Variants in COL5A1 observed in about 807,000 individuals in gnomAD.
The protein encoded by COL5A1 is collagen alpha-1(V) chain.
A neutral mutation model predicts 263.7 loss-of-function variants in COL5A1; 16 were observed. The observed-to-expected ratio is 0.06, with a 90% CI of 0.04 to 0.09. The LOEUF is 0.09. Ranked by LOEUF, COL5A1 falls within the 10% of genes least tolerant of loss-of-function variation. The probability of loss-of-function intolerance (pLI) is 1.00; values close to 1 mark genes in which losing one functional copy is unlikely to be tolerated. For missense variants in COL5A1, 2,036 were observed against 2,540.5 expected, an observed-to-expected ratio of 0.80 and a Z score of 4.27; for synonymous variants, 1,012 against 1,004.5, an observed-to-expected ratio of 1.01 and a Z score of -0.14.
At chr9:134,756,946 A>C in intron 17 of COL5A1, 128 bp downstream of exon 17, 1 of 909,218 alleles carries the variant, frequency 1.1e-6, no homozygotes, top group Admixed American at 1.9e-5. Flanking sequence ...CGTCACTGGC[A>C]TTTGACGTGA....
Position 134,731,649 on chromosome 9 carries a change from A to C in COL5A1, c.1318A>C (p.Thr440Pro), listed in dbSNP as rs1049849467. Residue 440 changes from threonine to proline, a missense_variant, in exon 8 of 66, where the codon ACC becomes CCC. Transcript: ENST00000371817. ...GCCGGGAATGCCGGCGAACCAGGAT[A>C]CCATCTATGAAGGGGTGAGAGGGTG... ...IGPGMPANQD[T>P]IYEGIGGPRG... is the part of the protein sequence containing the mutation. The C allele has an allele frequency of 1.5e-5, 25 of 1,613,538 alleles. No individual in the cohort carries two copies. Among genetic ancestry groups the C allele is most frequent in the Non-Finnish European group, 2.1e-5 (25 of 1,179,842 alleles).
At chr9:134,744,790 C>T (rs1214928821) in intron 11 of COL5A1, among the ~76,000 whole-genome samples, 1 of 152,116 alleles carries the variant, frequency 6.6e-6, no homozygotes, top group African/African-American at 2.4e-5. Context: ...CACACACATA[C>T]ACCCACACAT....
chr9:134,766,877 C>A, intron 22 of COL5A1, 123 bp from the exon 23 acceptor site: 1 of 964,768 alleles, frequency 1.0e-6, no homozygotes, highest in Non-Finnish European at 1.6e-6. Context: ...TCCCTTCCCG[C>A]TGGCATTAGG....
intron 4 of COL5A1, among the ~76,000 whole-genome samples, chr9:134,705,054 A>G (rs1035788074): frequency 8.5e-5 from 13 of 152,204 alleles, no homozygotes; most frequent in African/African-American, 3.1e-4. Flanking sequence ...CCCTGGAAGG[A>G]CAACTTCCGC....
At chr9:134,728,197 C>T (rs1376584021) in intron 5 of COL5A1, among the ~76,000 whole-genome samples, 1 of 152,252 alleles carries the variant, frequency 6.6e-6, no homozygotes, top group African/African-American at 2.4e-5. Context: ...GCTGCCCCGG[C>T]CTCCTGCCAG....
Position 134,758,204 on chromosome 9 carries a change from AG to A in COL5A1, c.1882-36del. On this transcript the variant is annotated intron_variant, in intron 17 of 65. Coordinates refer to ENST00000371817, the MANE Select transcript of COL5A1 (RefSeq NM_000093.5). This position sits in a 1 kb window ranked among gnomAD's most constrained non-coding sequence, Gnocchi z 4.1. ...ACCAAGGCGGGGTGTCCACGTGTGC[AG>A]GGTGGCGTCTGAGGCAGCCTTTCTG... is the stretch of plus-strand genomic sequence containing the variant. The A allele has an allele frequency of 6.2e-7, 1 of 1,611,996 alleles. No individual in the cohort carries two copies. The highest frequency in any genetic ancestry group is 2.2e-5 in the East Asian group (1 of 44,836).
rs528725430 is a variant in COL5A1, at chr9:134,762,849, T to G, written c.1990-844T>G. On this transcript the variant is annotated intron_variant, in intron 19 of 65. Coordinates refer to ENST00000371817, the MANE Select transcript of COL5A1 (RefSeq NM_000093.5). ...AGAGAGGGACCCTTCTAGATGTCAG[T>G]GCTTCTTGATTGAGAGGACGTGTGT... Among the ~76,000 whole-genome samples, 9 of 151,800 alleles carry G rather than the reference T, an allele frequency of 5.9e-5. No individual in the cohort carries two copies. The South Asian group carries it at 1.9e-3, about 32-fold the overall frequency.
chr9:134,678,353 C>T lies in COL5A1; in HGVS notation c.110-12559C>T, dbSNP rs2132524856. Among the ~76,000 whole-genome samples the T allele has an allele frequency of 6.6e-6, 1 of 152,324 alleles. No individual in the cohort carries two copies. The highest frequency in any genetic ancestry group is 2.4e-5 in the African/African-American group (1 of 41,572). ...CTGGGCGCAGAGCACATAACAGGTG[C>T]ACAGTCCTCAGCTGCCCCTCCCCCA... On this transcript the variant is annotated intron_variant, in intron 1 of 65. Coordinates refer to ENST00000371817, the MANE Select transcript of COL5A1 (RefSeq NM_000093.5). This position sits in a 1 kb window ranked among gnomAD's most constrained non-coding sequence, Gnocchi z 5.5.
intron 18 of COL5A1, among the ~76,000 whole-genome samples, chr9:134,760,855 C>G (rs111071551): frequency 0.13 from 18,486 of 147,082 alleles, 2,016 homozygotes; most frequent in African/African-American, 0.28. Context: ...CACACATGCA[C>G]ACCACCCACA....
At position 134,785,073 on chromosome 9, in the gene COL5A1, C is replaced by T. The variant is rs1254955559; in HGVS notation, c.2569C>T (p.Pro857Ser). The T allele has an allele frequency of 6.2e-7, 1 of 1,613,212 alleles. No individual in the cohort carries two copies. Among genetic ancestry groups the T allele is most frequent in the Admixed American group, 1.7e-5 (1 of 60,022 alleles). Reference sequence around the variant, plus strand: ...CGGAGGTCCCAATGGTGACCCCGGTCCTCTGGGACCCCCTGGGGAGAAGGT... The same window carrying T: ...CGGAGGTCCCAATGGTGACCCCGGTTCTCTGGGACCCCCTGGGGAGAAGGT... ...GRGGPNGDPG[P>S]LGPPGEKGKL... is the part of the protein sequence containing the mutation. Residue 857 changes from proline (P) to serine (S), a missense_variant, in exon 30 of 66, where the codon CCT becomes TCT. Pro to Ser is a moderately conservative substitution (Grantham distance 74, BLOSUM62 -1). Transcript: ENST00000371817.
intron 27 of COL5A1, among the ~76,000 whole-genome samples, 169 bp downstream of exon 27, chr9:134,775,081 C>T (rs1033180118): frequency 2.6e-5 from 4 of 152,186 alleles, no homozygotes; most frequent in East Asian, 1.9e-4. Flanking sequence ...CTCAGGACAG[C>T]GGGCCTGAGC....
intron 1 of COL5A1, among the ~76,000 whole-genome samples, chr9:134,649,089 G>A (rs925660023): frequency 1.3e-5 from 2 of 152,036 alleles, no homozygotes; most frequent in Non-Finnish European, 1.5e-5. Flanking sequence ...AAGTTGGTGC[G>A]GGCGGGGTGT....
At chr9:134,800,114 A>G (rs1389457643) in intron 37 of COL5A1, among the ~76,000 whole-genome samples, 2 of 152,230 alleles carry the variant, frequency 1.3e-5, no homozygotes, top group Admixed American at 6.5e-5. Context: ...ATGAAACACC[A>G]ACGGTCATTA....
At chr9:134,752,495 C>T (rs1036045364) in intron 13 of COL5A1, 94 bp from the exon 14 acceptor site, 10 of 936,648 alleles carry the variant, frequency 1.1e-5, no homozygotes, top group African/African-American at 4.9e-5. Flanking sequence ...CCAGTCTGCC[C>T]GTTCCCTCCT....
At chr9:134,801,927 G>C in intron 37 of COL5A1, 27 bp from the exon 38 acceptor site, 2 of 1,612,194 alleles carry the variant, frequency 1.2e-6, no homozygotes, top group Non-Finnish European at 1.7e-6. Context: ...CTGCAGCACC[G>C]TCAGTGCAGT....
In COL5A1 at chr9:134,765,820, G is replaced by A; in HGVS notation, c.2088+86G>A. The A allele has an allele frequency of 8.4e-7, 1 of 1,189,978 alleles. No individual in the cohort carries two copies. The highest frequency in any genetic ancestry group is 2.3e-5 in the East Asian group (1 of 42,612). 73.7% of individuals were successfully genotyped at this position (1,189,978 alleles called of 1,614,324 possible). ...CAGCCGGTGGACGCTTGGGCACTGG[G>A]GCAGCAAGTCCGTGCTGGCCCCTCT... On this transcript the variant is annotated intron_variant, in intron 21 of 65. Transcript: ENST00000371817. This position sits in a 1 kb window ranked among gnomAD's most constrained non-coding sequence, Gnocchi z 5.1.
Position 134,780,108 on chromosome 9 carries a change from G to T in COL5A1, c.2392G>T (p.Asp798Tyr). The T allele has an allele frequency of 8.1e-6, 13 of 1,613,464 alleles. No individual in the cohort carries two copies. The highest frequency in any genetic ancestry group is 1.1e-5 in the Non-Finnish European group (13 of 1,180,036). ...TCTTTTCCCACCCGCACAGGGGGCC[G>T]ATGGCATCCGTGGTCTGAAGGGCAC... ...YPGPRGVKGA[D>Y]GIRGLKGTKG... is the part of the protein sequence containing the mutation. Residue 798 changes from aspartate (D) to tyrosine (Y), a missense_variant, in exon 28 of 66, where the codon GAT becomes TAT. Physicochemically the swap from Asp to Tyr is radical, Grantham distance 160. Coordinates refer to ENST00000371817, the MANE Select transcript of COL5A1 (RefSeq NM_000093.5).
chr9:134,714,141 T>G (rs1834162630), intron 4 of COL5A1, among the ~76,000 whole-genome samples: 1 of 152,118 alleles, frequency 6.6e-6, no homozygotes, highest in African/African-American at 2.4e-5. Context: ...AAATACTGGT[T>G]GAATGAACAA....
At chr9:134,793,148 A>C (rs1837778584) in intron 32 of COL5A1, among the ~76,000 whole-genome samples, 1 of 152,004 alleles carries the variant, frequency 6.6e-6, no homozygotes, top group African/African-American at 2.4e-5. Flanking sequence ...CCTCGGGCCA[A>C]GGAGGGATCC....
Sources: gnomAD v4.1 joint callset for allele counts (sites outside exome capture counted in the v4.1 genomes callset) on GRCh38, gnomAD v4.1.1 for gene constraint, Gnocchi (gnomAD v3.1) non-coding constraint, MANE v1.5 for transcripts, NCBI Gene and HGNC (gene_info 2026-07-23, HGNC 2026-07-21) for gene names.